SUGCT: variants seen among roughly 807,000 people sequenced by gnomAD.
The protein encoded by SUGCT is succinyl-CoA:glutarate CoA-transferase.
SUGCT carries 41 observed loss-of-function variants against 55.0 expected under a neutral mutation model. The ratio of observed to expected loss-of-function variants is 0.74; its 90% CI spans 0.58 to 0.97. The LOEUF (loss-of-function observed/expected upper bound fraction) is 0.97, where lower values mean the gene tolerates loss of function less well. Among genes scored for constraint, SUGCT ranks in the 50% least tolerant of loss-of-function variants. SUGCT has a pLI of 0.00. For synonymous variants in SUGCT, 187 were observed against 200.4 expected (o/e 0.93, Z 0.56); for missense variants, 568 against 547.8 (o/e 1.04, Z -0.37).
chr7:40,966,275 G>C, the SUGCT span: 9 of 152,330 alleles, frequency 5.9e-5, no homozygotes, highest in Admixed American at 2.0e-4. Context: ...ATAGTGAAAG[G>C]AGACCAGAGG....
the SUGCT span, among the ~76,000 whole-genome samples, chr7:40,932,192 A>G: frequency 6.6e-6 from 1 of 152,188 alleles, no homozygotes; most frequent in African/African-American, 2.4e-5. Flanking sequence ...CCCAGTAGTC[A>G]TTCAGGAGCA....
intron 11 of SUGCT, among the ~76,000 whole-genome samples, chr7:40,477,119 A>G (rs942419303): frequency 1.3e-5 from 2 of 152,212 alleles, no homozygotes; most frequent in African/African-American, 4.8e-5. Context: ...GTTTCTCATA[A>G]TAATGCTATA....
intron 12 of SUGCT, among the ~76,000 whole-genome samples, chr7:40,612,554 T>G (rs1158346838): frequency 3.9e-5 from 6 of 152,064 alleles, no homozygotes; most frequent in African/African-American, 1.4e-4. Flanking sequence ...GAGGACAGAG[T>G]CTGGAGTCAG....
chr7:40,469,722 T>TA (rs1790307893), intron 11 of SUGCT, among the ~76,000 whole-genome samples: 1 of 200 alleles, frequency 5.0e-3, no homozygotes, highest in South Asian at 0.25. Context: ...GTCATCTCAG[T>TA]TTTTTTTTTC....
At chr7:41,032,812 G>A in the SUGCT span, among the ~76,000 whole-genome samples, 1 of 152,208 alleles carries the variant, frequency 6.6e-6, no homozygotes, top group Non-Finnish European at 1.5e-5. Flanking sequence ...TCGCTAGGCT[G>A]AAGTGCAGTG....
intron 13 of SUGCT, among the ~76,000 whole-genome samples, chr7:40,805,890 T>C (rs2128753229): frequency 6.6e-6 from 1 of 152,304 alleles, no homozygotes; most frequent in South Asian, 2.1e-4. Flanking sequence ...TGTTTGTGTG[T>C]ATGTGGAATG....
intron 13 of SUGCT, among the ~76,000 whole-genome samples, chr7:40,772,539 T>TG: frequency 4.0e-5 from 6 of 150,666 alleles, no homozygotes; most frequent in South Asian, 2.1e-4. Context: ...TCTATCTATC[T>TG]ATCTATCTAT....
At chr7:40,860,123 T>G (rs913081070) in intron 13 of SUGCT, among the ~76,000 whole-genome samples, 193 bp from the exon 14 acceptor site, 2 of 152,198 alleles carry the variant, frequency 1.3e-5, no homozygotes, top group African/African-American at 4.8e-5. Context: ...CACTGCACAT[T>G]TGGATGAACC....
chr7:40,551,321 T>G (rs1795287409), intron 12 of SUGCT, among the ~76,000 whole-genome samples: 1 of 152,236 alleles, frequency 6.6e-6, no homozygotes, highest in South Asian at 2.1e-4. Context: ...TTTATTTTCC[T>G]TAGGGATATT....
intron 7 of SUGCT, among the ~76,000 whole-genome samples, chr7:40,259,313 C>T (rs995995744): frequency 2.0e-5 from 3 of 152,134 alleles, no homozygotes; most frequent in Non-Finnish European, 4.4e-5. Flanking sequence ...GGCCCACTTA[C>T]ATGTGGAGTT....
At chr7:41,017,001 G>A in the SUGCT span, among the ~76,000 whole-genome samples, 4 of 152,178 alleles carry the variant, frequency 2.6e-5, no homozygotes, top group African/African-American at 7.2e-5. Context: ...AGATCATTAC[G>A]CTTGAATGTT....
chr7:40,530,434 A>AC (rs1794023126), intron 12 of SUGCT, among the ~76,000 whole-genome samples: 1 of 152,202 alleles, frequency 6.6e-6, no homozygotes, highest in Non-Finnish European at 1.5e-5. Flanking sequence ...CTGCTAACCA[A>AC]TTGAGTTCAG....
At chr7:40,144,155 T>C (rs1233562154) in intron 1 of SUGCT, among the ~76,000 whole-genome samples, 2 of 152,298 alleles carry the variant, frequency 1.3e-5, no homozygotes, top group South Asian at 4.1e-4. Context: ...CTCAATTCAC[T>C]AATGTCTAGT....
At chr7:40,590,532 G>A (rs968892766) in intron 12 of SUGCT, among the ~76,000 whole-genome samples, 4 of 152,218 alleles carry the variant, frequency 2.6e-5, no homozygotes, top group African/African-American at 9.6e-5. Context: ...AGAAGCTGCA[G>A]CAAGTTATCC....
intron 11 of SUGCT, among the ~76,000 whole-genome samples, chr7:40,484,470 A>G (rs569683450): frequency 6.6e-6 from 1 of 152,218 alleles, no homozygotes; most frequent in African/African-American, 2.4e-5. Flanking sequence ...CAGTAGCTCA[A>G]TTGCCAGTGG....
chr7:40,977,338 G>C, the SUGCT span, among the ~76,000 whole-genome samples: 1 of 152,202 alleles, frequency 6.6e-6, no homozygotes, highest in Non-Finnish European at 1.5e-5. Flanking sequence ...TGAAGGGACA[G>C]GACAGAGCTC....
intron 12 of SUGCT, among the ~76,000 whole-genome samples, chr7:40,571,262 A>G (rs1412022368): frequency 6.6e-6 from 1 of 152,174 alleles, no homozygotes; most frequent in East Asian, 1.9e-4. Flanking sequence ...GCATCCCCAA[A>G]GCATTAATAT....
intron 13 of SUGCT, chr7:40,808,542 G>A (rs1450387084): frequency 6.6e-6 from 1 of 152,234 alleles, no homozygotes; most frequent in Non-Finnish European, 1.5e-5. Flanking sequence ...AGCCCAGTTG[G>A]TTTAAATTCT....
At chr7:40,801,238 C>T (rs763481018) in intron 13 of SUGCT, among the ~76,000 whole-genome samples, 9 of 152,160 alleles carry the variant, frequency 5.9e-5, no homozygotes, top group South Asian at 2.1e-4. Flanking sequence ...ATGAGCCATC[C>T]GGGGTATTTA....
Sources: allele counts gnomAD v4.1 joint callset (sites outside exome capture counted in the v4.1 genomes callset), GRCh38; gene constraint gnomAD v4.1.1; transcripts MANE v1.5; gene names NCBI Gene and HGNC (gene_info 2026-07-23, HGNC 2026-07-21).